Variants in NEGR1 observed in about 807,000 individuals in gnomAD.
NEGR1 encodes neuronal growth regulator 1, also known as IgLON family member 4.
In NEGR1, 10 loss-of-function variants were observed where a neutral mutation model predicts 40.9. The observed-to-expected ratio is 0.24, with a 90% CI of 0.15 to 0.42. NEGR1 has a LOEUF of 0.42. NEGR1 is among the 10% of genes least tolerant of loss of function. The pLI, the probability that NEGR1 is intolerant of heterozygous loss-of-function variation, is 1.00. For missense variants in NEGR1, 352 were observed against 438.9 expected (o/e 0.80, Z 1.77); for synonymous variants, 185 against 166.8 (o/e 1.11, Z -0.84).
chr1:72,120,461 T>A (rs1649754988), intron 1 of NEGR1, among the ~76,000 whole-genome samples: 1 of 152,012 alleles, frequency 6.6e-6, no homozygotes, highest in Non-Finnish European at 1.5e-5. Flanking sequence ...CAAATATCCA[T>A]CCTATTAATG....
chr1:71,496,424 G>A (rs1364736513), intron 6 of NEGR1, among the ~76,000 whole-genome samples: 1 of 152,068 alleles, frequency 6.6e-6, no homozygotes, highest in Non-Finnish European at 1.5e-5. Context: ...ATAGCAGCAG[G>A]TGGTAAAAAA....
At chr1:72,089,753 G>A (rs1403906134) in intron 1 of NEGR1, among the ~76,000 whole-genome samples, 3 of 151,676 alleles carry the variant, frequency 2.0e-5, no homozygotes, top group African/African-American at 4.8e-5. Flanking sequence ...TCTACTTGGG[G>A]CACTTTAAAT....
intron 2 of NEGR1, among the ~76,000 whole-genome samples, chr1:71,785,453 T>C (rs915068204): frequency 1.3e-5 from 2 of 151,618 alleles, no homozygotes; most frequent in Non-Finnish European, 2.9e-5. Flanking sequence ...TTTTTTTTTT[T>C]CCTGGAAACA....
intron 1 of NEGR1, among the ~76,000 whole-genome samples, chr1:72,169,920 A>C (rs1651899435): frequency 6.6e-6 from 1 of 152,198 alleles, no homozygotes; most frequent in African/African-American, 2.4e-5. Flanking sequence ...GCTTGAAACC[A>C]CCATATTGAA....
At chr1:71,895,395 A>C in intron 2 of NEGR1, among the ~76,000 whole-genome samples, 1 of 152,174 alleles carries the variant, frequency 6.6e-6, no homozygotes, top group Non-Finnish European at 1.5e-5. Flanking sequence ...CAGTTTTGTA[A>C]GCATCATATT....
chr1:72,251,681 T>C (rs1362221517), intron 1 of NEGR1, among the ~76,000 whole-genome samples: 2 of 152,232 alleles, frequency 1.3e-5, no homozygotes, highest in East Asian at 3.8e-4. Context: ...AGTCTGTACA[T>C]ACTCAGTACA....
chr1:71,901,920 C>T (rs1661155589), intron 2 of NEGR1, among the ~76,000 whole-genome samples: 3 of 152,002 alleles, frequency 2.0e-5, no homozygotes, highest in Non-Finnish European at 2.9e-5. Context: ...CTGCCCACCT[C>T]GACCTCCCAA....
intron 1 of NEGR1, among the ~76,000 whole-genome samples, chr1:72,239,646 A>G (rs566516194): frequency 1.3e-5 from 2 of 151,882 alleles, no homozygotes; most frequent in South Asian, 4.1e-4. Flanking sequence ...GATAAAAAAT[A>G]TATTACAGGA....
intron 3 of NEGR1, among the ~76,000 whole-genome samples, chr1:71,718,067 A>C (rs1162325310): frequency 6.6e-6 from 1 of 152,230 alleles, no homozygotes; most frequent in East Asian, 1.9e-4. Context: ...TAGGCCTACC[A>C]AATCTATACA....
chr1:71,969,232 C>G (rs896603614), intron 1 of NEGR1, among the ~76,000 whole-genome samples: 1 of 152,132 alleles, frequency 6.6e-6, no homozygotes, highest in Non-Finnish European at 1.5e-5. Context: ...CCAGGCTGGT[C>G]TCGAACACCT....
At chr1:71,988,366 C>T (rs1220343086) in intron 1 of NEGR1, among the ~76,000 whole-genome samples, 10 of 151,612 alleles carry the variant, frequency 6.6e-5, no homozygotes, top group Non-Finnish European at 1.3e-4. Context: ...GGTGAAACCC[C>T]GTCTCTACTA....
At chr1:71,724,012 G>A (rs1036490107) in intron 3 of NEGR1, among the ~76,000 whole-genome samples, 5 of 151,960 alleles carry the variant, frequency 3.3e-5, no homozygotes, top group African/African-American at 1.2e-4. Flanking sequence ...CCAGGCTTAT[G>A]GTTTTCATCA....
chr1:72,204,957 A>G (rs909107120), intron 1 of NEGR1, among the ~76,000 whole-genome samples: 1 of 152,158 alleles, frequency 6.6e-6, no homozygotes, highest in Non-Finnish European at 1.5e-5. Flanking sequence ...TGCTTAAAAA[A>G]TAAAATCATA....
At chr1:71,822,148 G>C (rs541311024) in intron 2 of NEGR1, among the ~76,000 whole-genome samples, 1 of 151,910 alleles carries the variant, frequency 6.6e-6, no homozygotes, top group East Asian at 2.0e-4. Context: ...CAGTGCAACT[G>C]GTCTTCTACT....
At position 72,083,800 on chromosome 1, in the gene NEGR1, G is replaced by A. The variant is rs1291813997; in HGVS notation, c.177-148489C>T. On this transcript the variant is annotated intron_variant, in intron 1 of 6. Transcript: ENST00000357731. ...TGGAAAGTACAGTGGGTTCCCATAT[G>A]CCCATTTTCCCTCTACATGGATAGC... 2.6e-5 allele frequency among the ~76,000 whole-genome samples: 4 copies of A among 152,048 alleles called. No individual in the cohort carries two copies. In the East Asian group the frequency reaches 7.8e-4, roughly 29 times the overall value.
intron 1 of NEGR1, among the ~76,000 whole-genome samples, chr1:72,224,551 T>C (rs1192665474): frequency 6.6e-6 from 1 of 152,134 alleles, no homozygotes; most frequent in Non-Finnish European, 1.5e-5. Flanking sequence ...TGGGTGCTAT[T>C]ATGATTCTTA....
chr1:71,505,839 A>G (rs1464519587), intron 6 of NEGR1, among the ~76,000 whole-genome samples: 4 of 152,226 alleles, frequency 2.6e-5, no homozygotes, highest in Admixed American at 2.0e-4. Flanking sequence ...AGGGGAACCC[A>G]GTTGTTACAA....
At chr1:71,438,227 G>A (rs1026962315) in intron 6 of NEGR1, among the ~76,000 whole-genome samples, 3 of 152,108 alleles carry the variant, frequency 2.0e-5, no homozygotes, top group East Asian at 1.9e-4. Flanking sequence ...AATAATGGGC[G>A]TTCTGATATC....
intron 4 of NEGR1, among the ~76,000 whole-genome samples, chr1:71,691,610 C>T (rs1337748831): frequency 6.6e-6 from 1 of 151,748 alleles, no homozygotes; most frequent in African/African-American, 2.4e-5. Flanking sequence ...GATTAATATT[C>T]AGATAACCTC....
Sources: allele counts gnomAD v4.1 joint callset (sites outside exome capture counted in the v4.1 genomes callset), GRCh38; gene constraint gnomAD v4.1.1; transcripts MANE v1.5; gene names NCBI Gene and HGNC (gene_info 2026-07-23, HGNC 2026-07-21).